The following DAB2IP variants were observed in gnomAD, a reference collection of about 807,000 sequenced individuals.
DAB2IP encodes the protein disabled homolog 2-interacting protein.
DAB2IP carries 28 observed loss-of-function variants against 107.2 expected under a neutral mutation model. The ratio of observed to expected loss-of-function variants is 0.26; its 90% CI spans 0.19 to 0.36. DAB2IP has a LOEUF of 0.36. DAB2IP is among the 10% of genes least tolerant of loss of function. The probability of loss-of-function intolerance (pLI) is 1.00; values close to 1 mark genes in which losing one functional copy is unlikely to be tolerated. For missense variants in DAB2IP, 1,400 were observed against 1,644.7 expected (o/e 0.85, Z 2.57); for synonymous variants, 755 against 706.4 (o/e 1.07, Z -1.09).
Position 121,776,505 on chromosome 9 carries a change from G to A in DAB2IP, c.3314+114G>A. Reference sequence around the variant, plus strand: ...TCAAAGGATAAGCTGAATGTGGAGAGAGGAGGGAAGAGAGTGTCTGGGCAG... The same window carrying A: ...TCAAAGGATAAGCTGAATGTGGAGAAAGGAGGGAAGAGAGTGTCTGGGCAG... On this transcript the variant is annotated intron_variant, in intron 14 of 15. Coordinates refer to ENST00000408936, the Ensembl canonical transcript of DAB2IP. This position sits in a 1 kb window ranked among gnomAD's most constrained non-coding sequence, Gnocchi z 5.4. The A allele has an allele frequency of 8.3e-7, 1 of 1,198,586 alleles. No individual in the cohort carries two copies. The highest frequency in any genetic ancestry group is 2.9e-5 in the Admixed American group (1 of 34,480). 74.2% of individuals were successfully genotyped at this position (1,198,586 alleles called of 1,614,324 possible).
intron 1 of DAB2IP, among the ~76,000 whole-genome samples, chr9:121,657,678 G>T (rs959390664): frequency 1.3e-5 from 2 of 151,980 alleles, no homozygotes; most frequent in Admixed American, 1.3e-4. Flanking sequence ...AACTTTCTTG[G>T]TTGCTGCAAC....
rs759743463 is a variant in DAB2IP at position 121,772,783 on chromosome 9, A to G, written c.2255A>G (p.Gln752Arg). 6.2e-7 allele frequency: 1 copy of G among 1,613,338 alleles called. No individual in the cohort carries two copies. The highest frequency in any genetic ancestry group is 8.5e-7 in the Non-Finnish European group (1 of 1,179,890). ...AAGAGCCTCTCCATGGTGGACCTCC[A>G]GGACGCCCGCACGCTGGATGGGGAG... The change falls in exon 12 of 16, where the codon CAG becomes CGG. Residue 752 changes from glutamine (Q) to arginine (R), a missense_variant. By Grantham distance (43) the Gln-to-Arg change is conservative (BLOSUM62 1). This residue lies in a region of DAB2IP where 600 missense variants were observed against 659.1 expected (regional missense o/e 0.91). Transcript: ENST00000408936. The surrounding 1 kb of genome is among the most constrained non-coding windows in gnomAD (Gnocchi z 4.7).
chr9:121,623,541 A>AT (rs778407474), intron 1 of DAB2IP, among the ~76,000 whole-genome samples: 60 of 151,748 alleles, frequency 4.0e-4, no homozygotes, highest in Non-Finnish European at 5.9e-4. Context: ...TAATTTTGGT[A>AT]TTTTTTGTAG....
intron 1 of DAB2IP, among the ~76,000 whole-genome samples, chr9:121,619,290 G>C (rs984146943): frequency 6.6e-6 from 1 of 152,158 alleles, no homozygotes. Flanking sequence ...GGGACTGCAG[G>C]TACGCGCCAC....
upstream of DAB2IP, among the ~76,000 whole-genome samples, chr9:121,649,044 A>C (rs1387965607): frequency 6.6e-6 from 1 of 152,172 alleles, no homozygotes. Flanking sequence ...TTCCTGGGCC[A>C]GGAAGAAGGA....
At chr9:121,770,867 A>AATG in intron 11 of DAB2IP, 143 bp downstream of exon 11, 1 of 1,147,688 alleles carries the variant, frequency 8.7e-7, no homozygotes, top group Non-Finnish European at 1.2e-6. Flanking sequence ...ACAGGTCCTA[A>AATG]GTGGTGAACC....
intron 1 of DAB2IP, among the ~76,000 whole-genome samples, chr9:121,588,822 G>A (rs1207702014): frequency 2.0e-5 from 3 of 151,800 alleles, no homozygotes; most frequent in Non-Finnish European, 4.4e-5. Flanking sequence ...CAGGAAGGAG[G>A]TGTCACCTCT....
At chr9:121,592,799 G>A (rs1053307233) in intron 1 of DAB2IP, among the ~76,000 whole-genome samples, 1 of 152,196 alleles carries the variant, frequency 6.6e-6, no homozygotes, top group Non-Finnish European at 1.5e-5. Flanking sequence ...GGAAGGTGCT[G>A]CAGGCTCTGT....
intron 3 of DAB2IP, among the ~76,000 whole-genome samples, chr9:121,738,870 C>T (rs559732978): frequency 8.5e-5 from 13 of 152,326 alleles, no homozygotes; most frequent in Non-Finnish European, 1.0e-4. Flanking sequence ...AAATACAACA[C>T]GTAGAGCTTG....
chr9:121,686,310 G>A (rs1198757117), intron 2 of DAB2IP, among the ~76,000 whole-genome samples: 1 of 152,214 alleles, frequency 6.6e-6, no homozygotes, highest in African/African-American at 2.4e-5. Context: ...GTGTGAGTGA[G>A]GAGGATGGAA....
chr9:121,767,492 G>C (rs988014065), intron 9 of DAB2IP, among the ~76,000 whole-genome samples: 10 of 152,242 alleles, frequency 6.6e-5, no homozygotes, highest in African/African-American at 2.4e-4. Flanking sequence ...CTGCATGTCA[G>C]GGTGAGGCGT....
intron 3 of DAB2IP, among the ~76,000 whole-genome samples, chr9:121,703,073 A>G (rs1829866734): frequency 1.3e-5 from 2 of 152,066 alleles, no homozygotes; most frequent in African/African-American, 4.8e-5. Context: ...TGGCGTTCCC[A>G]CACCTGAAAG....
chr9:121,588,924 A>C (rs1391533265), intron 1 of DAB2IP, among the ~76,000 whole-genome samples: 1 of 151,036 alleles, frequency 6.6e-6, no homozygotes, highest in Non-Finnish European at 1.5e-5. Context: ...GGGGAGTGAG[A>C]CCTTTACTCC....
At chr9:121,734,976 G>T (rs1006965268) in intron 3 of DAB2IP, among the ~76,000 whole-genome samples, 1 of 152,192 alleles carries the variant, frequency 6.6e-6, no homozygotes, top group East Asian at 1.9e-4. Flanking sequence ...CTCTGCTTTC[G>T]CCTTCCTTGT....
chr9:121,614,953 T>C (rs1189971494), intron 1 of DAB2IP, among the ~76,000 whole-genome samples: 1 of 151,408 alleles, frequency 6.6e-6, no homozygotes, highest in African/African-American at 2.4e-5. Flanking sequence ...AGGCTGGTCT[T>C]GAACTCCTGA....
chr9:121,714,084 C>T (rs930998069), intron 3 of DAB2IP, among the ~76,000 whole-genome samples: 2 of 152,206 alleles, frequency 1.3e-5, no homozygotes, highest in African/African-American at 4.8e-5. Flanking sequence ...TCTGTCATCA[C>T]ACACATGTAC....
chr9:121,734,719 A>G (rs1353332777), intron 3 of DAB2IP, among the ~76,000 whole-genome samples: 1 of 152,252 alleles, frequency 6.6e-6, no homozygotes, highest in African/African-American at 2.4e-5. Flanking sequence ...AGGAAGGACT[A>G]TTCAGATTGA....
intron 1 of DAB2IP, among the ~76,000 whole-genome samples, chr9:121,587,570 T>C (rs1175880213): frequency 6.7e-6 from 1 of 149,670 alleles, no homozygotes; most frequent in Non-Finnish European, 1.5e-5. Flanking sequence ...ATCTCATTAC[T>C]GCACTCCAGT....
chr9:121,591,062 A>T (rs1830414155), intron 1 of DAB2IP, among the ~76,000 whole-genome samples: 1 of 152,182 alleles, frequency 6.6e-6, no homozygotes, highest in African/African-American at 2.4e-5. Context: ...AGTGTTCTGA[A>T]GAGGGGAAAC....
Sources: gnomAD v4.1 joint callset for allele counts (sites outside exome capture counted in the v4.1 genomes callset) on GRCh38, gnomAD v4.1.1 for gene constraint, gnomAD v4.1.1 regional missense constraint, Gnocchi (gnomAD v3.1) non-coding constraint, MANE v1.5 for transcripts, NCBI Gene and HGNC (gene_info 2026-07-23, HGNC 2026-07-21) for gene names.